Variants in CAVIN4 observed in about 807,000 individuals in gnomAD.
CAVIN4 encodes caveolae associated protein 4.
Under a neutral mutation model 18.6 loss-of-function variants are expected in CAVIN4, and 10 were observed. The observed-to-expected ratio is 0.54, with a 90% confidence interval of 0.33 to 0.91. The LOEUF (loss-of-function observed/expected upper bound fraction) is 0.91. Among genes scored for constraint, CAVIN4 ranks in the 40% least tolerant of loss-of-function variants. The probability of loss-of-function intolerance (pLI) is 0.02; values close to 1 mark genes in which losing one functional copy is unlikely to be tolerated. For missense variants in CAVIN4, 459 were observed against 440.5 expected, an observed-to-expected ratio of 1.04 and a Z score of -0.38; for synonymous variants, 173 against 164.8, an observed-to-expected ratio of 1.05 and a Z score of -0.38.
intron 1 of CAVIN4, 134 bp downstream of exon 1, chr9:100,578,685 A>G: frequency 2.4e-6 from 2 of 850,384 alleles, no homozygotes; most frequent in Non-Finnish European, 3.8e-6. Context: ...CTGTATTAGC[A>G]GCAATCTCAG....
upstream of CAVIN4, chr9:100,577,523 C>G (rs1043556015): frequency 6.6e-6 from 1 of 152,304 alleles, no homozygotes; most frequent in Non-Finnish European, 1.5e-5. Flanking sequence ...AGCTGTTTAA[C>G]ATGTAGTTTA....
intron 1 of CAVIN4, among the ~76,000 whole-genome samples, chr9:100,583,241 T>G (rs538989488): frequency 6.6e-6 from 1 of 152,326 alleles, no homozygotes; most frequent in Non-Finnish European, 1.5e-5. Flanking sequence ...GCATGGCTAG[T>G]GGGTGTCTCC....
chr9:100,584,742 A>G (rs992509381), intron 1 of CAVIN4, among the ~76,000 whole-genome samples: 1 of 152,226 alleles, frequency 6.6e-6, no homozygotes, highest in African/African-American at 2.4e-5. Context: ...ACTTCTGGGT[A>G]TGGTAGCATG....
Position 100,578,515 on chromosome 9 carries a change from A to G in CAVIN4, c.372A>G (p.Ile124Met), listed in dbSNP as rs1284088415. The G allele has an allele frequency of 1.2e-6, 2 of 1,613,538 alleles. No individual in the cohort carries two copies. The highest frequency in any genetic ancestry group is 1.7e-6 in the Non-Finnish European group (2 of 1,179,970). The change falls in exon 1 of 2, where the codon ATA (isoleucine) becomes ATG (methionine). Residue 124 changes from isoleucine to methionine, a missense_variant. By Grantham distance (10) the Ile-to-Met change is conservative. Coordinates refer to ENST00000307584, the MANE Select transcript of CAVIN4 (RefSeq NM_001018116.2). The stretch of plus-strand genomic sequence containing the variant: ...AAGTTGAAGTCAAGCAAGAGGAAAT[A>G]ATGAAGAAAAACAAATTCCGCGTGG... ...VKKVEVKQEE[I>M]MKKNKFRVVI...
upstream of CAVIN4, chr9:100,577,951 C>T: frequency 1.8e-6 from 1 of 564,696 alleles, no homozygotes; most frequent in East Asian, 3.1e-5. Flanking sequence ...GGAACAGTCC[C>T]CGGTGCTTTG....
At chr9:100,583,821 AT>A (rs1473731444) in intron 1 of CAVIN4, among the ~76,000 whole-genome samples, 1 of 152,048 alleles carries the variant, frequency 6.6e-6, no homozygotes, top group East Asian at 1.9e-4. Flanking sequence ...TAATTTTTGT[AT>A]TTTTAGTAGA....
In CAVIN4 at chr9:100,585,948, A is replaced by G; in HGVS notation, c.592A>G (p.Ile198Val). Reference protein sequence around the residue: ...RKSGKEHIDNIKKAFSKENMQ... With the variant: ...RKSGKEHIDNVKKAFSKENMQ... ...GTCAGGCAAGGAGCACATTGATAAT[A>G]TCAAGAAGGCATTTTCCAAAGAAAA... The change falls in exon 2 of 2, where the codon ATC becomes GTC. Residue 198 changes from isoleucine (I) to valine (V), a missense_variant. Transcript: ENST00000307584. 6.2e-7 allele frequency: 1 copy of G among 1,614,202 alleles called. No homozygotes were observed. The highest frequency in any genetic ancestry group is 8.5e-7 in the Non-Finnish European group (1 of 1,180,042).
rs1270774360 is a variant in CAVIN4, at chr9:100,586,437, A to G, written c.1081A>G (p.Lys361Glu). Residue 361 changes from lysine (K) to glutamate (E), a missense_variant, in exon 2 of 2, where the codon AAG becomes GAG. Transcript: ENST00000307584. ...TGATGAATCTCTTTTGTTAGATTTA[A>G]AGCACTCATCGTAAAGAGGAATTAA... is the stretch of plus-strand genomic sequence containing the variant. Reference protein sequence around the residue: ...EDDESLLLDLKHSS With the variant: ...EDDESLLLDLEHSS 7.4e-6 allele frequency: 12 copies of G among 1,613,266 alleles called. No homozygotes were observed. The highest frequency in any genetic ancestry group is 1.0e-5 in the Non-Finnish European group (12 of 1,179,918).
At chr9:100,585,597 A>T (rs1408416876) in intron 1 of CAVIN4, among the ~76,000 whole-genome samples, 168 bp from the exon 2 acceptor site, 1 of 152,190 alleles carries the variant, frequency 6.6e-6, no homozygotes, top group South Asian at 2.1e-4. Context: ...TGGGAGATGA[A>T]GAAGAGGAAA....
rs916222320 is a variant in CAVIN4 at position 100,587,557 on chromosome 9, T to A, written c.*1106T>A. ...CTCCTTATCTTTTAGCTTTAGATCGTGGAATCCAGGAAGTAGAACAATGTC... is the reference window on the plus strand; with the variant it reads ...CTCCTTATCTTTTAGCTTTAGATCGAGGAATCCAGGAAGTAGAACAATGTC... On this transcript the variant is annotated 3_prime_UTR_variant, in exon 2 of 2. Transcript: ENST00000307584. 3 of 152,140 alleles carry A rather than the reference T, an allele frequency of 2.0e-5. No homozygotes were observed. Among genetic ancestry groups the A allele is most frequent in the African/African-American group, 7.2e-5 (3 of 41,412 alleles). 9.4% of individuals were successfully genotyped at this position (152,140 alleles called of 1,614,324 possible).
rs1839490091 is a variant in CAVIN4, at chr9:100,587,237, C to T, written c.*786C>T. The T allele has an allele frequency of 6.6e-6, 1 of 152,284 alleles. No homozygotes were observed. The highest frequency in any genetic ancestry group is 2.1e-4 in the South Asian group (1 of 4,812). 9.4% of individuals were successfully genotyped at this position (152,284 alleles called of 1,614,324 possible). ...AAAAATAAGTAAATGTTTGGGTGACCACTTTTTCATCAGACTAACTATATC... is the reference window on the plus strand; with the variant it reads ...AAAAATAAGTAAATGTTTGGGTGACTACTTTTTCATCAGACTAACTATATC... On this transcript the variant is annotated 3_prime_UTR_variant, in exon 2 of 2. Coordinates refer to ENST00000307584, the MANE Select transcript of CAVIN4 (RefSeq NM_001018116.2).
rs775145680 is a variant in CAVIN4, at chr9:100,578,284, G to T, written c.141G>T (p.Val47=). The change falls in exon 1 of 2, where the codon GTG becomes GTT. Residue 47 remains valine, a synonymous_variant. Coordinates refer to ENST00000307584, the MANE Select transcript of CAVIN4 (RefSeq NM_001018116.2). The part of the protein sequence containing the change: ...LDKVASIVDS[V]QASQKRIEER... ...AAGTAGCCTCCATCGTGGACAGTGT[G>T]CAGGCAAGCCAGAAGAGAATAGAAG... 6.2e-7 allele frequency: 1 copy of T among 1,614,118 alleles called. No individual in the cohort carries two copies. The highest frequency in any genetic ancestry group is 2.2e-5 in the East Asian group (1 of 44,868).
Position 100,578,380 on chromosome 9 carries a change from T to G in CAVIN4, c.237T>G (p.His79Gln). The G allele has an allele frequency of 6.2e-7, 1 of 1,614,106 alleles. No individual in the cohort carries two copies. The highest frequency in any genetic ancestry group is 8.5e-7 in the Non-Finnish European group (1 of 1,179,992). ...ACCTGTTGAAGCTTTCACAGTCGCA[T>G]AGCAATACAGGGCATATCATTAACA... ...QIDLLKLSQS[H>Q]SNTGHIINKL... The change falls in exon 1 of 2, where the codon CAT (histidine) becomes CAG (glutamine). Residue 79 changes from histidine to glutamine, a missense_variant. Transcript: ENST00000307584.
Position 100,585,739 on chromosome 9 carries a change from T to A in CAVIN4, c.409-26T>A, listed in dbSNP as rs114611462. The A allele has an allele frequency of 2.2e-3, 3,550 of 1,581,480 alleles. 62 individuals carry two copies. In the African/African-American group the frequency reaches 0.042, roughly 19 times the overall value. On this transcript the variant is annotated intron_variant, in intron 1 of 1. Coordinates refer to ENST00000307584, the MANE Select transcript of CAVIN4 (RefSeq NM_001018116.2). ...CTCTATAGTGCAAAGGAAGCACTAA[T>A]ATGCTTTGTTTTTTCTCTCCTTCAG...
intron 1 of CAVIN4, among the ~76,000 whole-genome samples, chr9:100,583,043 T>C (rs1361706908): frequency 6.6e-6 from 1 of 152,218 alleles, no homozygotes; most frequent in Non-Finnish European, 1.5e-5. Flanking sequence ...CACACCTTGG[T>C]GCCAAGGAAT....
Position 100,587,597 on chromosome 9 carries a change from A to G in CAVIN4, c.*1146A>G, listed in dbSNP as rs1315750991. ...AGAACAATGTCTATTGTTGCTAAAG[A>G]AAGAAAGAAATGGGCCGGGTGTGGT... On this transcript the variant is annotated 3_prime_UTR_variant, in exon 2 of 2. Transcript: ENST00000307584. 6.6e-6 allele frequency: 1 copy of G among 152,190 alleles called. No homozygotes were observed. The highest frequency in any genetic ancestry group is 2.4e-5 in the African/African-American group (1 of 41,450). The allele number at this position is 152,190 out of a possible 1,614,324, so 9.4% of individuals were successfully genotyped here.
In CAVIN4 at chr9:100,578,557, C is replaced by A. The variant is rs116000902; in HGVS notation, c.408+6C>A. The A allele has an allele frequency of 1.1e-3, 1,741 of 1,612,612 alleles. 15 individuals carry two copies. The African/African-American group carries it at 0.02, about 19-fold the overall frequency. ...TCCGCGTGGTAATATTCCAGGTAAG[C>A]TTGCACTTGTGTTCAGCTTGCTTGT... is the stretch of plus-strand genomic sequence containing the variant. On this transcript the variant is annotated splice_donor_region_variant and intron_variant, in intron 1 of 1. Coordinates refer to ENST00000307584, the MANE Select transcript of CAVIN4 (RefSeq NM_001018116.2).
chr9:100,586,064 G>A lies in CAVIN4; in HGVS notation c.708G>A (p.Gln236=). Residue 236 remains glutamine (Q), a synonymous_variant, in exon 2 of 2, where the codon CAG becomes CAA. Transcript: ENST00000307584. ...VTPERRERLR[Q]SGERLRQSGE... is the part of the protein sequence containing the mutation. Reference sequence around the variant, plus strand: ...CGGAGAGGAGAGAGAGGCTAAGGCAGTCAGGAGAGAGGCTGAGACAGTCAG... The same window carrying A: ...CGGAGAGGAGAGAGAGGCTAAGGCAATCAGGAGAGAGGCTGAGACAGTCAG... 6.9e-6 allele frequency: 11 copies of A among 1,602,928 alleles called. No individual in the cohort carries two copies. Among genetic ancestry groups the A allele is most frequent in the Admixed American group, 1.7e-5 (1 of 59,916 alleles).
At position 100,578,265 on chromosome 9, in the gene CAVIN4, C is replaced by A; in HGVS notation, c.122C>A (p.Ala41Asp). The change falls in exon 1 of 2, where the codon GCC (alanine) becomes GAC (aspartate). Residue 41 changes from alanine (A) to aspartate (D), a missense_variant. Coordinates refer to ENST00000307584, the MANE Select transcript of CAVIN4 (RefSeq NM_001018116.2). ...ATTGTGACTGTGCTGGACAAAGTAG[C>A]CTCCATCGTGGACAGTGTGCAGGCA... ...LTIVTVLDKV[A>D]SIVDSVQASQ... is the part of the protein sequence containing the mutation. The A allele has an allele frequency of 6.2e-7, 1 of 1,613,974 alleles. No homozygotes were observed. The highest frequency in any genetic ancestry group is 8.5e-7 in the Non-Finnish European group (1 of 1,179,970).
Sources: gnomAD v4.1 joint callset for allele counts (sites outside exome capture counted in the v4.1 genomes callset) on GRCh38, gnomAD v4.1.1 for gene constraint, MANE v1.5 for transcripts, NCBI Gene and HGNC (gene_info 2026-07-23, HGNC 2026-07-21) for gene names.